Variants in FRMD6 observed in about 807,000 individuals in gnomAD.
The protein encoded by FRMD6 is FERM domain containing 6.
FRMD6 carries 37 observed loss-of-function variants against 73.2 expected under a neutral mutation model. That is an observed-to-expected ratio of 0.51 (90% CI 0.39 to 0.66). The LOEUF is 0.66. Among genes scored for constraint, FRMD6 ranks in the 30% least tolerant of loss-of-function variants. The pLI is 0.00. For missense variants in FRMD6, 714 were observed against 780.5 expected (o/e 0.91, Z 1.02); for synonymous variants, 273 against 282.2 (o/e 0.97, Z 0.33).
At chr14:51,468,001 A>G in the FRMD6 span, among the ~76,000 whole-genome samples, 4 of 152,092 alleles carry the variant, frequency 2.6e-5, no homozygotes, top group African/African-American at 9.7e-5. Context: ...CCTGGGCAAC[A>G]TTGAGCACTG....
chr14:51,411,657 C>T, the FRMD6 span, among the ~76,000 whole-genome samples: 1 of 152,212 alleles, frequency 6.6e-6, no homozygotes, highest in Non-Finnish European at 1.5e-5. Context: ...AGTCTCTGTT[C>T]TCTGAAGCCT....
intron 1 of FRMD6, among the ~76,000 whole-genome samples, chr14:51,652,494 G>A (rs1892492262): frequency 6.6e-6 from 1 of 152,212 alleles, no homozygotes; most frequent in South Asian, 2.1e-4. Context: ...TAGCACCCGA[G>A]TCCCGCGCTC....
intron 3 of FRMD6, 78 bp downstream of exon 3, chr14:51,698,310 T>G (rs1896078373): frequency 1.1e-6 from 1 of 904,696 alleles, no homozygotes; most frequent in Non-Finnish European, 1.7e-6. Context: ...TAACTTAAAT[T>G]GGGCCTATTG....
chr14:51,720,085 G>T lies in FRMD6; in HGVS notation c.1055G>T (p.Ser352Ile). 1 of 1,613,406 alleles carries T rather than the reference G, an allele frequency of 6.2e-7. No individual in the cohort carries two copies. Reference sequence around the variant, plus strand: ...AAGCAGTACCGGGAATCTTACATCAGTGACAACCTGGACCTCGACATGGAC... The same window carrying T: ...AAGCAGTACCGGGAATCTTACATCATTGACAACCTGGACCTCGACATGGAC... ...EKKQYRESYI[S>I]DNLDLDMDQL... is the part of the protein sequence containing the mutation. Residue 352 changes from serine (S) to isoleucine (I), a missense_variant, in exon 11 of 14, where the codon AGT becomes ATT. Ser to Ile is a moderately radical substitution (Grantham distance 142, BLOSUM62 -2). Coordinates refer to ENST00000344768, the MANE Select transcript of FRMD6 (RefSeq NM_001267046.2).
rs371915919 is a variant in FRMD6, at chr14:51,628,877, C to CTTTTTT, written c.-147+58479_-147+58484dup. Among the ~76,000 whole-genome samples, 401 of 95,248 alleles carry CTTTTTT rather than the reference C, an allele frequency of 4.2e-3. 1 individual carries two copies. Among genetic ancestry groups the CTTTTTT allele is most frequent in the Middle Eastern group, 0.015 (1 of 68 alleles). 62.5% of individuals were successfully genotyped at this position (95,248 alleles called of 152,430 possible). On this transcript the variant is annotated intron_variant, in intron 2 of 14. Transcript: ENST00000356218. ...TGCATCTACCTTTTTCTTTTCTTTTCTTTTTTTTTTTTTTTTTGAGACGGA... is the reference window on the plus strand; with the variant it reads ...TGCATCTACCTTTTTCTTTTCTTTTCTTTTTTTTTTTTTTTTTTTTTTTGAGACGGA...
At chr14:51,478,776 G>A in the FRMD6 span, among the ~76,000 whole-genome samples, 1 of 152,228 alleles carries the variant, frequency 6.6e-6, no homozygotes. Flanking sequence ...TGAGATGGAA[G>A]TCGGGGACCA....
the FRMD6 span, among the ~76,000 whole-genome samples, chr14:51,465,523 T>A: frequency 1.3e-5 from 2 of 152,302 alleles, no homozygotes; most frequent in African/African-American, 4.8e-5. Flanking sequence ...TCTAAATAAG[T>A]AGAATTTAAA....
At chr14:51,462,124 CT>C in the FRMD6 span, among the ~76,000 whole-genome samples, 2 of 152,052 alleles carry the variant, frequency 1.3e-5, no homozygotes, top group African/African-American at 4.8e-5. Context: ...GAAGAAACAT[CT>C]TTTAAAAAGC....
chr14:51,410,388 G>A, the FRMD6 span, among the ~76,000 whole-genome samples: 1 of 152,182 alleles, frequency 6.6e-6, no homozygotes, highest in African/African-American at 2.4e-5. Flanking sequence ...TACCTATGGA[G>A]AAACCATGGA....
intron 2 of FRMD6, among the ~76,000 whole-genome samples, chr14:51,585,151 A>G (rs540107443): frequency 5.3e-5 from 8 of 152,156 alleles, no homozygotes; most frequent in Non-Finnish European, 1.0e-4. Context: ...TCCACCAGGC[A>G]CGCTGTTCCT....
At chr14:51,438,778 G>A in the FRMD6 span, among the ~76,000 whole-genome samples, 3 of 152,224 alleles carry the variant, frequency 2.0e-5, no homozygotes, top group East Asian at 1.9e-4. Flanking sequence ...GCCTTTTACC[G>A]GGATATAAAG....
At chr14:51,553,769 C>G (rs1224318187) in intron 1 of FRMD6, among the ~76,000 whole-genome samples, 1 of 152,106 alleles carries the variant, frequency 6.6e-6, no homozygotes, top group East Asian at 1.9e-4. Context: ...GAAGGAGTTG[C>G]AGATAATGAA....
In FRMD6 at chr14:51,512,054, T is replaced by G. The variant is rs59607836; in HGVS notation, c.-210+22634T>G. ...AATCATATGATTTTTTTCAATCACTTTAGACCTATTCAGTCCAGAACTAGA... is the reference window on the plus strand; with the variant it reads ...AATCATATGATTTTTTTCAATCACTGTAGACCTATTCAGTCCAGAACTAGA... On this transcript the variant is annotated intron_variant, in intron 1 of 14. Coordinates refer to the FRMD6 transcript ENST00000356218. Among the ~76,000 whole-genome samples, 670 of 152,254 alleles carry G rather than the reference T, an allele frequency of 4.4e-3. 2 individuals carry two copies. Among genetic ancestry groups the G allele is most frequent in the African/African-American group, 0.016 (647 of 41,530 alleles).
the FRMD6 span, among the ~76,000 whole-genome samples, chr14:51,429,972 A>G: frequency 6.6e-6 from 1 of 152,192 alleles, no homozygotes; most frequent in African/African-American, 2.4e-5. Context: ...CATCACTAGT[A>G]ACATCCTCAG....
chr14:51,417,973 A>T, the FRMD6 span, among the ~76,000 whole-genome samples: 1 of 152,100 alleles, frequency 6.6e-6, no homozygotes, highest in African/African-American at 2.4e-5. Flanking sequence ...TGTGTCATGT[A>T]GTTCTTGTGC....
chr14:51,516,690 A>T (rs981438184), intron 1 of FRMD6, among the ~76,000 whole-genome samples: 1 of 152,230 alleles, frequency 6.6e-6, no homozygotes, highest in Non-Finnish European at 1.5e-5. Context: ...AAATAAACGT[A>T]AAAAGCTGTG....
chr14:51,485,177 G>A (rs1239606626), upstream of FRMD6, among the ~76,000 whole-genome samples: 4 of 152,238 alleles, frequency 2.6e-5, no homozygotes, highest in Non-Finnish European at 5.9e-5. Context: ...CCAACCACCA[G>A]CTTCTAGAGA....
intron 1 of FRMD6, among the ~76,000 whole-genome samples, chr14:51,497,928 G>T (rs2140196870): frequency 6.6e-6 from 1 of 152,230 alleles, no homozygotes; most frequent in African/African-American, 2.4e-5. Context: ...TCCTTTAGAG[G>T]CCTTAATACA....
intron 2 of FRMD6, among the ~76,000 whole-genome samples, chr14:51,585,939 G>GTGTGTGTGTGTATA: frequency 0.035 from 1,089 of 31,394 alleles, 107 homozygotes; most frequent in African/African-American, 0.071. Flanking sequence ...GTGTGTGTGT[G>GTGTGTGTGTGTATA]TATATATATA....
Sources: allele counts gnomAD v4.1 joint callset (sites outside exome capture counted in the v4.1 genomes callset), GRCh38; gene constraint gnomAD v4.1.1; transcripts MANE v1.5; gene names NCBI Gene and HGNC (gene_info 2026-07-23, HGNC 2026-07-21).